Variants in GRM5 observed in about 807,000 individuals in gnomAD.
GRM5 encodes the protein glutamate metabotropic receptor 5.
A neutral mutation model predicts 83.1 loss-of-function variants in GRM5; 19 were observed. That is an observed-to-expected ratio of 0.23 (90% CI 0.16 to 0.34). The LOEUF is 0.34. Ranked by LOEUF, GRM5 falls within the 10% of genes least tolerant of loss-of-function variation. GRM5 has a pLI of 1.00. For synonymous variants in GRM5, 675 were observed against 633.6 expected, an observed-to-expected ratio of 1.07 and a Z score of -0.98; for missense variants, 1,160 against 1,588.3, an observed-to-expected ratio of 0.73 and a Z score of 4.58.
chr11:88,881,523 T>C (rs202105985), intron 2 of GRM5, among the ~76,000 whole-genome samples: 1 of 81,754 alleles, frequency 1.2e-5, no homozygotes, highest in South Asian at 8.6e-4. Flanking sequence ...GTTTCAGTTA[T>C]ATGGAATAGC....
intron 3 of GRM5, among the ~76,000 whole-genome samples, chr11:88,845,845 T>C (rs1466519523): frequency 6.6e-6 from 1 of 152,196 alleles, no homozygotes; most frequent in Admixed American, 6.5e-5. Context: ...AATGCCTGTA[T>C]ACTTGTTTGA....
chr11:88,941,547 G>A (rs1203449196), intron 2 of GRM5, among the ~76,000 whole-genome samples: 18 of 83,646 alleles, frequency 2.2e-4, no homozygotes, highest in Non-Finnish European at 4.5e-4. Flanking sequence ...GAGGAGGAGA[G>A]AGGAGGAGGA....
chr11:88,566,203 T>C (rs7111129), intron 8 of GRM5, among the ~76,000 whole-genome samples: 8,179 of 152,264 alleles, frequency 0.054, 699 homozygotes, highest in African/African-American at 0.18. Context: ...GTCCCAGTTA[T>C]CAACAATTGG....
At chr11:88,521,131 A>T (rs115264892) in intron 9 of GRM5, among the ~76,000 whole-genome samples, 1 of 151,996 alleles carries the variant, frequency 6.6e-6, no homozygotes, top group Non-Finnish European at 1.5e-5. Flanking sequence ...CAGAAAGCAG[A>T]TTCCAGCCAG....
At chr11:88,798,825 A>AAAAAAAAAAAC (rs777932007) in intron 3 of GRM5, among the ~76,000 whole-genome samples, 2 of 145,306 alleles carry the variant, frequency 1.4e-5, no homozygotes, top group African/African-American at 5.1e-5. Context: ...AAAAAAAAAA[A>AAAAAAAAAAAC]AACAACAACA....
intron 4 of GRM5, among the ~76,000 whole-genome samples, chr11:88,637,546 A>G (rs1235061883): frequency 2.0e-5 from 3 of 151,252 alleles, no homozygotes; most frequent in East Asian, 3.9e-4. Flanking sequence ...CAAAAAACAC[A>G]TGAAAAAATG....
chr11:88,552,708 G>A (rs1942538707), intron 8 of GRM5, among the ~76,000 whole-genome samples: 1 of 152,178 alleles, frequency 6.6e-6, no homozygotes, highest in East Asian at 1.9e-4. Context: ...TCCATAGACT[G>A]TTGACACACA....
chr11:88,712,003 G>A (rs552517050), intron 3 of GRM5, among the ~76,000 whole-genome samples: 16 of 152,066 alleles, frequency 1.1e-4, no homozygotes, highest in Admixed American at 5.9e-4. Context: ...AACCCATTAC[G>A]CACAAGAGTT....
chr11:88,904,811 G>A (rs544914856), intron 2 of GRM5, among the ~76,000 whole-genome samples: 4 of 152,212 alleles, frequency 2.6e-5, no homozygotes, highest in African/African-American at 9.6e-5. Context: ...GTTAGAATGT[G>A]TACTTATCAT....
intron 2 of GRM5, among the ~76,000 whole-genome samples, chr11:88,943,928 T>C (rs1008218697): frequency 1.3e-5 from 2 of 151,992 alleles, no homozygotes; most frequent in Admixed American, 6.6e-5. Flanking sequence ...GTTTTGTTTC[T>C]CTTTTCTGAA....
In GRM5 at chr11:88,800,426, C is replaced by A. The variant is rs561458179; in HGVS notation, c.911+49480G>T. On this transcript the variant is annotated intron_variant, in intron 3 of 9. Coordinates refer to ENST00000305447, the MANE Select transcript of GRM5 (RefSeq NM_001143831.3). ...GGTTCTACAGTACTTAAAAAAAAAACCTTCTAGATTACTTGCAAAACAATA... is the reference window on the plus strand; with the variant it reads ...GGTTCTACAGTACTTAAAAAAAAAAACTTCTAGATTACTTGCAAAACAATA... Among the ~76,000 whole-genome samples the A allele has an allele frequency of 7.4e-4, 108 of 146,504 alleles. 2 individuals carry two copies. Among genetic ancestry groups the A allele is most frequent in the Non-Finnish European group, 2.8e-4 (19 of 66,710 alleles).
intron 3 of GRM5, among the ~76,000 whole-genome samples, chr11:88,757,237 C>T (rs10831366): frequency 0.5 from 75,341 of 152,068 alleles, 22,618 homozygotes; most frequent in Non-Finnish European, 0.7. Context: ...CTGCAAGCTT[C>T]CCTCGGGACT....
In GRM5 at chr11:88,508,446, C is replaced by T. The variant is rs1941239774; in HGVS notation, c.*146G>A. ...TTCTTCGTCGGTTGTCATGAGATAG[C>T]ACTACTGATCTCGTGTTTCCATTAA... is the stretch of plus-strand genomic sequence containing the variant. On this transcript the variant is annotated 3_prime_UTR_variant, in exon 10 of 10. Transcript: ENST00000305447. This position sits in a 1 kb window ranked among gnomAD's most constrained non-coding sequence, Gnocchi z 4.2. The T allele has an allele frequency of 7.1e-6, 4 of 566,688 alleles. No homozygotes were observed. In the Admixed American group the frequency reaches 1.1e-4, roughly 15 times the overall value. The allele number at this position is 566,688 out of a possible 1,614,324, so 35.1% of individuals were successfully genotyped here. A position where few individuals can be genotyped will look rare whatever the true frequency, so the allele number is the denominator to read the frequency against.
chr11:88,923,017 T>C (rs1281715452), intron 2 of GRM5, among the ~76,000 whole-genome samples: 1 of 147,322 alleles, frequency 6.8e-6, no homozygotes, highest in Non-Finnish European at 1.5e-5. Context: ...GAATCAAAAC[T>C]ACAATATGAT....
intron 7 of GRM5, among the ~76,000 whole-genome samples, chr11:88,570,349 T>G (rs1017312855): frequency 6.6e-6 from 1 of 151,722 alleles, no homozygotes; most frequent in Non-Finnish European, 1.5e-5. Context: ...ACAGTTGTGT[T>G]ATATGACCTC....
At chr11:88,987,220 C>T (rs528809288) in intron 2 of GRM5, among the ~76,000 whole-genome samples, 28 of 152,184 alleles carry the variant, frequency 1.8e-4, no homozygotes, top group African/African-American at 6.3e-4. Context: ...TCAGGGATTT[C>T]CCTTTCCTAG....
chr11:88,798,827 A>AAC (rs1555017412), intron 3 of GRM5, among the ~76,000 whole-genome samples: 1 of 133,058 alleles, frequency 7.5e-6, no homozygotes, highest in Non-Finnish European at 1.7e-5. Flanking sequence ...AAAAAAAAAA[A>AAC]CAACAACAAC....
chr11:88,730,635 T>C (rs545465296), intron 3 of GRM5, among the ~76,000 whole-genome samples: 59 of 152,138 alleles, frequency 3.9e-4, no homozygotes, highest in Non-Finnish European at 5.7e-4. Flanking sequence ...TCATCAATGA[T>C]AGACTAGATA....
At chr11:88,919,789 T>TCCTGAATG (rs1417704312) in intron 2 of GRM5, among the ~76,000 whole-genome samples, 33 of 152,050 alleles carry the variant, frequency 2.2e-4, no homozygotes, top group Middle Eastern at 3.4e-3. Flanking sequence ...AACAAAATGT[T>TCCTGAATG]CCTGAATGAC....
Sources: gnomAD v4.1 joint callset for allele counts (sites outside exome capture counted in the v4.1 genomes callset) on GRCh38, gnomAD v4.1.1 for gene constraint, Gnocchi (gnomAD v3.1) non-coding constraint, MANE v1.5 for transcripts, NCBI Gene and HGNC (gene_info 2026-07-23, HGNC 2026-07-21) for gene names.